The following LARGE1 variants were observed in gnomAD, a reference collection of about 807,000 sequenced individuals.
LARGE1 encodes LARGE xylosyl- and glucuronyltransferase 1.
A neutral mutation model predicts 87.6 loss-of-function variants in LARGE1; 43 were observed. The observed-to-expected ratio is 0.49, with a 90% confidence interval of 0.38 to 0.63. LARGE1 has a LOEUF of 0.63. Among genes scored for constraint, LARGE1 ranks in the 30% least tolerant of loss-of-function variants. The pLI, the probability that LARGE1 is intolerant of heterozygous loss-of-function variation, is 0.00. For synonymous variants in LARGE1, 434 were observed against 394.6 expected, an observed-to-expected ratio of 1.10 and a Z score of -1.18; for missense variants, 802 against 1,000.2, an observed-to-expected ratio of 0.80 and a Z score of 2.67.
chr22:33,507,574 T>A (rs1213748147), intron 6 of LARGE1, among the ~76,000 whole-genome samples: 2 of 152,150 alleles, frequency 1.3e-5, no homozygotes, highest in Non-Finnish European at 2.9e-5. Context: ...AGTTATTATA[T>A]ATATTAATAG....
chr22:33,671,374 C>T (rs1468361941), intron 2 of LARGE1, among the ~76,000 whole-genome samples: 1 of 152,192 alleles, frequency 6.6e-6, no homozygotes, highest in East Asian at 1.9e-4. Context: ...CACCTAAACA[C>T]TGAACCAAAG....
intron 9 of LARGE1, among the ~76,000 whole-genome samples, chr22:33,362,245 TA>T (rs918165471): frequency 9.4e-5 from 14 of 148,920 alleles, no homozygotes; most frequent in African/African-American, 3.2e-4. Context: ...AAGACTGAGG[TA>T]AAGTCAAGTG....
intron 11 of LARGE1, among the ~76,000 whole-genome samples, chr22:33,209,228 C>G (rs2146227895): frequency 6.6e-6 from 1 of 152,308 alleles, no homozygotes; most frequent in East Asian, 1.9e-4. Context: ...ATGTATTAAG[C>G]CCTTTACAGC....
chr22:33,338,365 C>T lies in LARGE1; in HGVS notation c.1132-564G>A, dbSNP rs112520534. On this transcript the variant is annotated intron_variant, in intron 9 of 14. Coordinates refer to ENST00000397394, the MANE Select transcript of LARGE1 (RefSeq NM_133642.5). The stretch of plus-strand genomic sequence containing the variant: ...TTTTTCCCACACTCAGAACACGCTT[C>T]GCTGTCCCTACTTCTCGGCCCAGTG... Among the ~76,000 whole-genome samples, 470 of 152,246 alleles carry T rather than the reference C, an allele frequency of 3.1e-3. 1 individual carries two copies. Among genetic ancestry groups the T allele is most frequent in the Non-Finnish European group, 5.0e-3 (342 of 68,020 alleles).
intron 6 of LARGE1, among the ~76,000 whole-genome samples, chr22:33,545,706 T>A (rs2077343688): frequency 6.6e-6 from 1 of 152,180 alleles, no homozygotes; most frequent in African/African-American, 2.4e-5. Flanking sequence ...CCCAAAGTGC[T>A]AGGATTACAG....
At chr22:33,797,122 G>C (rs1040945108) in intron 1 of LARGE1, among the ~76,000 whole-genome samples, 1 of 152,098 alleles carries the variant, frequency 6.6e-6, no homozygotes, top group Admixed American at 6.5e-5. Flanking sequence ...GTGGGAGCTT[G>C]GCAAAGAACA....
At chr22:33,797,636 G>T (rs1227833688) in intron 1 of LARGE1, among the ~76,000 whole-genome samples, 1 of 152,174 alleles carries the variant, frequency 6.6e-6, no homozygotes, top group Non-Finnish European at 1.5e-5. Flanking sequence ...CCCTAAGCTG[G>T]TTCTGCCTCT....
At chr22:33,535,920 T>C (rs1390553545) in intron 6 of LARGE1, among the ~76,000 whole-genome samples, 1 of 152,220 alleles carries the variant, frequency 6.6e-6, no homozygotes, top group African/African-American at 2.4e-5. Context: ...CCTTCTTTTA[T>C]TCCTTTCCTG....
the LARGE1 span, among the ~76,000 whole-genome samples, chr22:33,147,600 G>A: frequency 6.6e-6 from 1 of 152,076 alleles, no homozygotes; most frequent in African/African-American, 2.4e-5. Flanking sequence ...TAGGTCTCGC[G>A]ATTATAGCTT....
the LARGE1 span, among the ~76,000 whole-genome samples, chr22:33,156,295 C>T: frequency 1.7e-4 from 26 of 152,184 alleles, no homozygotes; most frequent in Non-Finnish European, 3.1e-4. Flanking sequence ...CACAGACACT[C>T]AACACCAGCC....
intron 6 of LARGE1, among the ~76,000 whole-genome samples, chr22:33,513,812 T>TACACACACACACATACACACACACAC (rs111795849): frequency 2.1e-4 from 30 of 143,280 alleles, no homozygotes; most frequent in African/African-American, 7.7e-4. Flanking sequence ...AGAGCTGATG[T>TACACACACACACATACACACACACAC]ACACACACAC....
chr22:33,675,289 C>A (rs1292496366), intron 2 of LARGE1, among the ~76,000 whole-genome samples: 1 of 7,928 alleles, frequency 1.3e-4, no homozygotes, highest in Non-Finnish European at 2.2e-4. Context: ...AGCGAAACTC[C>A]ATCAAAAAAA....
chr22:33,378,787 C>T (rs2065066013), intron 9 of LARGE1, among the ~76,000 whole-genome samples: 1 of 152,170 alleles, frequency 6.6e-6, no homozygotes, highest in South Asian at 2.1e-4. Context: ...ACGAGGCTGC[C>T]CACTTCAGAT....
intron 11 of LARGE1, among the ~76,000 whole-genome samples, chr22:33,215,473 C>T (rs1925158715): frequency 6.6e-6 from 1 of 152,004 alleles, no homozygotes; most frequent in Non-Finnish European, 1.5e-5. Flanking sequence ...AAATATTGAC[C>T]TTAATTATTT....
At chr22:33,097,948 A>G in the LARGE1 span, among the ~76,000 whole-genome samples, 6 of 152,172 alleles carry the variant, frequency 3.9e-5, no homozygotes, top group African/African-American at 1.4e-4. Context: ...CCATTTTTCT[A>G]TCTCATACAC....
chr22:33,871,915 A>C (rs2064295798), intron 1 of LARGE1, among the ~76,000 whole-genome samples: 1 of 149,390 alleles, frequency 6.7e-6, no homozygotes, highest in Non-Finnish European at 1.5e-5. Context: ...CTAACTAGCA[A>C]TGTTCATTAG....
chr22:33,894,556 C>G (rs1037971337), intron 1 of LARGE1, among the ~76,000 whole-genome samples: 1 of 152,208 alleles, frequency 6.6e-6, no homozygotes, highest in Admixed American at 6.5e-5. Context: ...GAAGTAGCCT[C>G]TGTGTGCAGC....
At position 33,905,991 on chromosome 22, in the gene LARGE1, G is replaced by A. The variant is rs191390168; in HGVS notation, c.-83+14004C>T. Among the ~76,000 whole-genome samples the A allele has an allele frequency of 8.8e-4, 134 of 152,156 alleles. 1 individual carries two copies. The highest frequency in any genetic ancestry group is 3.1e-3 in the African/African-American group (127 of 41,514). On this transcript the variant is annotated intron_variant, in intron 1 of 14. Coordinates refer to ENST00000397394, the MANE Select transcript of LARGE1 (RefSeq NM_133642.5). ...CTAAAAATACAAAAATTAGCCAGAC[G>A]TGGTGGCAGGCGCCTGTAGTCCCAG...
At chr22:33,559,691 G>T (rs866037810) in intron 6 of LARGE1, among the ~76,000 whole-genome samples, 1 of 152,032 alleles carries the variant, frequency 6.6e-6, no homozygotes, top group Non-Finnish European at 1.5e-5. Context: ...ATCTGCCCAC[G>T]CTGACAGAGT....
Sources: gnomAD v4.1 joint callset for allele counts (sites outside exome capture counted in the v4.1 genomes callset) on GRCh38, gnomAD v4.1.1 for gene constraint, MANE v1.5 for transcripts, NCBI Gene and HGNC (gene_info 2026-07-23, HGNC 2026-07-21) for gene names.